NCAPG: variants seen among roughly 807,000 people sequenced by gnomAD.
NCAPG encodes the protein condensin complex subunit 3.
NCAPG carries 69 observed loss-of-function variants against 113.1 expected under a neutral mutation model. That is an observed-to-expected ratio of 0.61 (90% CI 0.50 to 0.75). The LOEUF is 0.75. Ranked by LOEUF, NCAPG falls within the 30% of genes least tolerant of loss-of-function variation. The pLI, the probability that NCAPG is intolerant of heterozygous loss-of-function variation, is 0.00. For synonymous variants in NCAPG, 370 were observed against 415.8 expected (o/e 0.89, Z 1.34); for missense variants, 1,058 against 1,177.0 (o/e 0.90, Z 1.48).
intron 13 of NCAPG, among the ~76,000 whole-genome samples, chr4:17,832,622 G>T (rs972763235): frequency 2.0e-5 from 3 of 152,156 alleles, no homozygotes; most frequent in African/African-American, 7.2e-5. Context: ...AGAGGTCCAA[G>T]ATGGTGAGAT....
At chr4:17,840,549 A>C in intron 18 of NCAPG, 58 bp from the exon 19 acceptor site, 2 of 1,053,310 alleles carry the variant, frequency 1.9e-6, no homozygotes, top group Non-Finnish European at 2.6e-6. Flanking sequence ...TAAAAAGACA[A>C]TTTAAAATAT....
chr4:17,817,097 G>A (rs1721239811), intron 5 of NCAPG, 164 bp from the exon 6 acceptor site: 1 of 541,224 alleles, frequency 1.8e-6, no homozygotes, highest in Non-Finnish European at 3.2e-6. Context: ...TGGTGACAGA[G>A]CGAGACTCTG....
In NCAPG at chr4:17,812,970, C is replaced by G. The variant is rs1721059477; in HGVS notation, c.369C>G (p.Asn123Lys). The change falls in exon 3 of 21, where the codon AAC becomes AAG. Residue 123 changes from asparagine (N) to lysine (K), a missense_variant. Physicochemically the swap from Asn to Lys is moderately conservative, Grantham distance 94. Coordinates refer to ENST00000251496, the MANE Select transcript of NCAPG (RefSeq NM_022346.5). Reference sequence around the variant, plus strand: ...GATTTAGAGTGTGCCTGCTCATAAACAAGCTTTTGGGAAGTATGCCAGAAA... The same window carrying G: ...GATTTAGAGTGTGCCTGCTCATAAAGAAGCTTTTGGGAAGTATGCCAGAAA... ...AVRFRVCLLI[N>K]KLLGSMPENA... 1.9e-6 allele frequency: 3 copies of G among 1,613,948 alleles called. No individual in the cohort carries two copies. In the East Asian group the frequency reaches 6.7e-5, roughly 36 times the overall value.
intron 16 of NCAPG, among the ~76,000 whole-genome samples, chr4:17,838,637 T>C (rs1305608707): frequency 6.6e-6 from 1 of 152,180 alleles, no homozygotes; most frequent in African/African-American, 2.4e-5. Flanking sequence ...TATATGTAGA[T>C]GGTTATGCAA....
intron 4 of NCAPG, 88 bp from the exon 5 acceptor site, chr4:17,815,186 T>G: frequency 3.8e-6 from 5 of 1,315,212 alleles, no homozygotes; most frequent in Non-Finnish European, 4.2e-6. Context: ...TTTTGGAGAT[T>G]CTGGGTAATT....
intron 19 of NCAPG, chr4:17,841,538 A>T (rs1722403769): frequency 6.6e-6 from 1 of 152,006 alleles, no homozygotes; most frequent in South Asian, 2.1e-4. Context: ...AAAGTGTAAC[A>T]TGAATGAAGT....
At position 17,837,636 on chromosome 4, in the gene NCAPG, G is replaced by A; in HGVS notation, c.2301G>A (p.Gln767=). The A allele has an allele frequency of 6.2e-7, 1 of 1,613,292 alleles. No homozygotes were observed. The highest frequency in any genetic ancestry group is 8.5e-7 in the Non-Finnish European group (1 of 1,179,756). The change falls in exon 16 of 21, where the codon CAG becomes CAA. Residue 767 remains glutamine (Q), a synonymous_variant. Coordinates refer to ENST00000251496, the MANE Select transcript of NCAPG (RefSeq NM_022346.5). ...ATTTGTTTCTCAATAGGACTAATCA[G>A]GAATGCTTTGAAGAAGCTTTTCTTC... ...PVFAYASRTN[Q]ECFEEAFLPT...
chr4:17,829,066 C>A (rs903704243), intron 12 of NCAPG, among the ~76,000 whole-genome samples: 1 of 151,988 alleles, frequency 6.6e-6, no homozygotes, highest in Admixed American at 6.6e-5. Context: ...AAAACTGTTG[C>A]AATGTTTTAC....
chr4:17,821,457 CTTTTTTT>C (rs34483824), intron 7 of NCAPG, among the ~76,000 whole-genome samples: 1 of 104,494 alleles, frequency 9.6e-6, no homozygotes, highest in East Asian at 2.6e-4. Context: ...TCACCCCCGC[CTTTTTTT>C]TTTTTTTTTT....
chr4:17,826,339 T>A (rs1560227276), intron 11 of NCAPG, among the ~76,000 whole-genome samples: 1 of 152,146 alleles, frequency 6.6e-6, no homozygotes, highest in Non-Finnish European at 1.5e-5. Flanking sequence ...ATAAAAAGAA[T>A]GCTAAATAGG....
chr4:17,827,432 T>C (rs1721693805), intron 11 of NCAPG, among the ~76,000 whole-genome samples: 2 of 152,194 alleles, frequency 1.3e-5, no homozygotes, highest in African/African-American at 4.8e-5. Flanking sequence ...GACTTACAGA[T>C]GATGGTAGTC....
Position 17,823,135 on chromosome 4 carries a change from T to C in NCAPG, c.1259+12T>C. 1 of 1,599,884 alleles carries C rather than the reference T, an allele frequency of 6.3e-7. No homozygotes were observed. Among genetic ancestry groups the C allele is most frequent in the Non-Finnish European group, 8.5e-7 (1 of 1,174,038 alleles). The stretch of plus-strand genomic sequence containing the variant: ...GAAGAAGGAGGAAGGTATGTCTAAA[T>C]GTTAACACTCATTCTAATTTGCCCT... On this transcript the variant is annotated intron_variant, in intron 8 of 20. Coordinates refer to ENST00000251496, the MANE Select transcript of NCAPG (RefSeq NM_022346.5).
chr4:17,827,803 G>GA (rs1721709236), intron 11 of NCAPG, among the ~76,000 whole-genome samples: 1 of 144,960 alleles, frequency 6.9e-6, no homozygotes, highest in African/African-American at 2.6e-5. Context: ...ATGAAGATTA[G>GA]ACTTTTTTTT....
intron 16 of NCAPG, 28 bp downstream of exon 16, chr4:17,837,829 A>G (rs769857134): frequency 6.2e-7 from 1 of 1,611,658 alleles, no homozygotes; most frequent in Non-Finnish European, 8.5e-7. Context: ...CTGCATGCAG[A>G]TCACTGTTTT....
intron 12 of NCAPG, among the ~76,000 whole-genome samples, chr4:17,830,323 G>A (rs1721809253): frequency 1.3e-5 from 2 of 151,856 alleles, no homozygotes; most frequent in Non-Finnish European, 2.9e-5. Context: ...AGCTTAGGAG[G>A]CTGAGGTTGC....
Position 17,817,489 on chromosome 4 carries a change from G to C in NCAPG, c.968+36G>C, listed in dbSNP as rs746917216. ...GATTCATTCTTTGAAATGTAGTACT[G>C]ATTAACTTGTGCAATTAATTTGTTT... On this transcript the variant is annotated intron_variant, in intron 6 of 20. Coordinates refer to ENST00000251496, the MANE Select transcript of NCAPG (RefSeq NM_022346.5). The C allele has an allele frequency of 5.9e-6, 9 of 1,536,986 alleles. No individual in the cohort carries two copies. The Admixed American group carries it at 1.5e-4, about 26-fold the overall frequency.
At chr4:17,840,293 C>G in intron 18 of NCAPG, 84 bp downstream of exon 18, 1 of 1,371,266 alleles carries the variant, frequency 7.3e-7, no homozygotes, top group Non-Finnish European at 9.6e-7. Context: ...TCTACTCTAA[C>G]ATGTTTGGTT....
intron 13 of NCAPG, among the ~76,000 whole-genome samples, chr4:17,833,427 C>T (rs1418455548): frequency 1.3e-5 from 2 of 151,126 alleles, no homozygotes; most frequent in Non-Finnish European, 2.9e-5. Flanking sequence ...CTATTATGCT[C>T]CAGGCTGGGC....
Position 17,811,224 on chromosome 4 carries a change from C to T in NCAPG, c.111+36C>T, listed in dbSNP as rs879570644. ...CCGGCCCCGGCCGCCGCCTCTCGCC[C>T]GCCCCGGCCCACCCTCCCTCAGGGG... On this transcript the variant is annotated intron_variant, in intron 1 of 20. Transcript: ENST00000251496. This position sits in a 1 kb window ranked among gnomAD's most constrained non-coding sequence, Gnocchi z 5.3. 1 of 1,345,352 alleles carries T rather than the reference C, an allele frequency of 7.4e-7. No homozygotes were observed. Among genetic ancestry groups the T allele is most frequent in the East Asian group, 3.0e-5 (1 of 33,658 alleles). 83.3% of individuals were successfully genotyped at this position (1,345,352 alleles called of 1,614,324 possible). A position where few individuals can be genotyped will look rare whatever the true frequency, so the allele number is the denominator to read the frequency against.
Sources: gnomAD v4.1 joint callset for allele counts (sites outside exome capture counted in the v4.1 genomes callset) on GRCh38, gnomAD v4.1.1 for gene constraint, Gnocchi (gnomAD v3.1) non-coding constraint, MANE v1.5 for transcripts, NCBI Gene and HGNC (gene_info 2026-07-23, HGNC 2026-07-21) for gene names.